The following KCNH5 variants were observed in gnomAD, a reference collection of about 807,000 sequenced individuals.
KCNH5 encodes the protein potassium voltage-gated channel subfamily H member 5.
A neutral mutation model predicts 96.1 loss-of-function variants in KCNH5; 46 were observed. The ratio of observed to expected loss-of-function variants is 0.48; its 90% CI spans 0.38 to 0.61. The LOEUF (loss-of-function observed/expected upper bound fraction) is 0.61. Among genes scored for constraint, KCNH5 ranks in the 20% least tolerant of loss-of-function variants. The pLI, the probability that KCNH5 is intolerant of heterozygous loss-of-function variation, is 0.00. For missense variants in KCNH5, 907 were observed against 1,225.8 expected (o/e 0.74, Z 3.88); for synonymous variants, 439 against 449.8 (o/e 0.98, Z 0.30).
At chr14:62,901,093 C>A (rs1303332607) in intron 7 of KCNH5, among the ~76,000 whole-genome samples, 2 of 152,078 alleles carry the variant, frequency 1.3e-5, no homozygotes, top group Admixed American at 6.5e-5. Flanking sequence ...GGTTCAAGCA[C>A]TACTCCTGCC....
intron 6 of KCNH5, among the ~76,000 whole-genome samples, chr14:62,970,205 GAAC>G (rs1423845874): frequency 6.6e-6 from 1 of 151,816 alleles, no homozygotes; most frequent in African/African-American, 2.4e-5. Context: ...GAAATGCTAT[GAAC>G]AACTCTGCCC....
intron 10 of KCNH5, among the ~76,000 whole-genome samples, chr14:62,775,099 C>A (rs1208448231): frequency 2.0e-5 from 3 of 152,244 alleles, no homozygotes; most frequent in Non-Finnish European, 4.4e-5. Flanking sequence ...TTCAAGATAT[C>A]TTTGGCACAT....
rs1301241163 is a variant in KCNH5 at position 62,703,924 on chromosome 14, T to A, written c.*3584A>T. The A allele has an allele frequency of 6.6e-6, 1 of 151,794 alleles. No individual in the cohort carries two copies. Among genetic ancestry groups the A allele is most frequent in the Non-Finnish European group, 1.5e-5 (1 of 67,784 alleles). 9.4% of individuals were successfully genotyped at this position (151,794 alleles called of 1,614,324 possible). ...TCACAAATATCTGCCACTGCACACT[T>A]CAAAACAGTCACTGCTCTGAAGGCT... On this transcript the variant is annotated 3_prime_UTR_variant, in exon 11 of 11. Transcript: ENST00000322893.
chr14:62,933,386 C>G (rs1043954164), intron 7 of KCNH5, among the ~76,000 whole-genome samples: 1 of 151,202 alleles, frequency 6.6e-6, no homozygotes, highest in South Asian at 2.1e-4. Flanking sequence ...TTGATTATAT[C>G]AAAATTATGA....
chr14:62,870,854 G>T (rs1381028115), intron 7 of KCNH5, among the ~76,000 whole-genome samples: 1 of 152,116 alleles, frequency 6.6e-6, no homozygotes, highest in Non-Finnish European at 1.5e-5. Flanking sequence ...AGGTGGAGAG[G>T]ATAGGTTGCT....
At chr14:62,785,487 G>A (rs1595621473) in intron 9 of KCNH5, among the ~76,000 whole-genome samples, 3 of 152,138 alleles carry the variant, frequency 2.0e-5, no homozygotes, top group South Asian at 2.1e-4. Flanking sequence ...GTCAGCTCCC[G>A]CTGGGTACAA....
intron 1 of KCNH5, among the ~76,000 whole-genome samples, chr14:63,032,198 A>G (rs1311586692): frequency 6.6e-6 from 1 of 152,042 alleles, no homozygotes; most frequent in Non-Finnish European, 1.5e-5. Flanking sequence ...GACTGTATTC[A>G]TGTAGTTCTA....
chr14:63,028,012 A>C (rs1479570859), intron 1 of KCNH5, among the ~76,000 whole-genome samples: 1 of 152,114 alleles, frequency 6.6e-6, no homozygotes, highest in African/African-American at 2.4e-5. Flanking sequence ...TGGCTGCATT[A>C]ATCAAGACCT....
In KCNH5 at chr14:63,016,940, G is replaced by T; in HGVS notation, c.88C>A (p.Leu30Met). Residue 30 changes from leucine (L) to methionine (M), a missense_variant, in exon 2 of 11, where the codon CTG becomes ATG. By Grantham distance (15) the Leu-to-Met change is conservative (BLOSUM62 2). Around this residue, in one of 6 missense-constraint regions of KCNH5, gnomAD observed 370 missense variants for 561.3 expected, o/e 0.66. Transcript: ENST00000322893. ...VRRSSESSFLLGNAQIVDWPV... is the reference protein window; with the variant it reads ...VRRSSESSFLMGNAQIVDWPV... ...CAATCCACAATCTGGGCATTTCCCA[G>T]TAAGAAACTTGATTCTGAAGAAGAA... The T allele has an allele frequency of 6.2e-7, 1 of 1,603,316 alleles. No individual in the cohort carries two copies. Among genetic ancestry groups the T allele is most frequent in the Non-Finnish European group, 8.5e-7 (1 of 1,175,820 alleles).
chr14:62,972,314 T>C (rs1261480261), intron 6 of KCNH5, among the ~76,000 whole-genome samples: 1 of 152,202 alleles, frequency 6.6e-6, no homozygotes, highest in African/African-American at 2.4e-5. Flanking sequence ...ACTACACACC[T>C]GTTAGAATAG....
At chr14:62,750,973 C>T (rs559287064) in intron 10 of KCNH5, among the ~76,000 whole-genome samples, 13 of 151,794 alleles carry the variant, frequency 8.6e-5, no homozygotes, top group Non-Finnish European at 1.2e-4. Flanking sequence ...TAAATCCAGA[C>T]GGCTGGAGTA....
intron 8 of KCNH5, among the ~76,000 whole-genome samples, chr14:62,816,935 A>C (rs1245688312): frequency 6.6e-6 from 1 of 150,728 alleles, no homozygotes; most frequent in Non-Finnish European, 1.5e-5. Context: ...TGAATTCTCT[A>C]TTGCATTTTT....
chr14:62,811,240 A>G (rs1446821081), intron 8 of KCNH5, among the ~76,000 whole-genome samples: 1 of 152,130 alleles, frequency 6.6e-6, no homozygotes, highest in Non-Finnish European at 1.5e-5. Flanking sequence ...CACATATATT[A>G]TCATGTCATC....
intron 6 of KCNH5, among the ~76,000 whole-genome samples, chr14:62,956,769 T>C (rs868298844): frequency 1.8e-4 from 28 of 152,180 alleles, no homozygotes; most frequent in Admixed American, 5.2e-4. Flanking sequence ...TTCACTTATA[T>C]GATACTACTA....
intron 9 of KCNH5, among the ~76,000 whole-genome samples, chr14:62,798,827 A>C (rs1886591304): frequency 6.6e-6 from 1 of 152,212 alleles, no homozygotes; most frequent in Non-Finnish European, 1.5e-5. Context: ...TTTAGTGGCA[A>C]GAATCCAAAA....
In KCNH5 at chr14:62,700,646, T is replaced by C. The variant is rs537377646; in HGVS notation, c.*6862A>G. ...TCATGGCTGTGACATAATATACCAA[T>C]ATTAAATACTTAGGACTATCAAACA... On this transcript the variant is annotated 3_prime_UTR_variant, in exon 11 of 11. Coordinates refer to ENST00000322893, the MANE Select transcript of KCNH5 (RefSeq NM_139318.5). 6.6e-6 allele frequency: 1 copy of C among 152,320 alleles called. No individual in the cohort carries two copies. The highest frequency in any genetic ancestry group is 6.5e-5 in the Admixed American group (1 of 15,300). The allele number at this position is 152,320 out of a possible 1,614,324, so 9.4% of individuals were successfully genotyped here.
chr14:62,817,005 T>C (rs1886992812), intron 8 of KCNH5, among the ~76,000 whole-genome samples: 1 of 148,644 alleles, frequency 6.7e-6, no homozygotes, highest in African/African-American at 2.5e-5. Flanking sequence ...TTTGTGACTT[T>C]ATTTATTGAA....
At chr14:62,965,893 G>A (rs931094515) in intron 6 of KCNH5, among the ~76,000 whole-genome samples, 18 of 152,090 alleles carry the variant, frequency 1.2e-4, no homozygotes, top group Admixed American at 8.5e-4. Context: ...TTGAAGACAA[G>A]AAGAAGTGAT....
intron 7 of KCNH5, among the ~76,000 whole-genome samples, chr14:62,899,607 G>A (rs957949046): frequency 5.3e-5 from 8 of 152,016 alleles, no homozygotes; most frequent in African/African-American, 9.6e-5. Flanking sequence ...CGAGGCGGGC[G>A]GATCACGAGG....
Sources: gnomAD v4.1 joint callset for allele counts (sites outside exome capture counted in the v4.1 genomes callset) on GRCh38, gnomAD v4.1.1 for gene constraint, gnomAD v4.1.1 regional missense constraint, MANE v1.5 for transcripts, NCBI Gene and HGNC (gene_info 2026-07-23, HGNC 2026-07-21) for gene names.